KIAA1549L: variants seen among roughly 807,000 people sequenced by gnomAD.
KIAA1549L encodes UPF0606 protein KIAA1549L.
In KIAA1549L, 88 loss-of-function variants were observed where a neutral mutation model predicts 160.7. The ratio of observed to expected loss-of-function variants is 0.55; its 90% CI spans 0.46 to 0.65. KIAA1549L has a LOEUF of 0.65. Ranked by LOEUF, KIAA1549L falls within the 30% of genes least tolerant of loss-of-function variation. The pLI is 0.00. For missense variants in KIAA1549L, 2,258 were observed against 2,437.5 expected (o/e 0.93, Z 1.55); for synonymous variants, 950 against 976.7 (o/e 0.97, Z 0.51).
intron 1 of KIAA1549L, among the ~76,000 whole-genome samples, chr11:33,485,461 CTATT>C (rs1278037547): frequency 3.3e-5 from 5 of 151,826 alleles, no homozygotes; most frequent in Admixed American, 6.6e-5. Context: ...ACAAAAGTAT[CTATT>C]TGTTTTTTAA....
At chr11:33,614,553 T>TCC (rs1850739806) in intron 15 of KIAA1549L, among the ~76,000 whole-genome samples, 9 of 13,216 alleles carry the variant, frequency 6.8e-4, no homozygotes, top group Admixed American at 2.8e-3. Context: ...TATATATATA[T>TCC]ATATATATAT....
At chr11:33,378,157 G>T (rs1018341860) in intron 1 of KIAA1549L, among the ~76,000 whole-genome samples, 7 of 152,182 alleles carry the variant, frequency 4.6e-5, no homozygotes, top group Admixed American at 1.3e-4. Flanking sequence ...AAATACCTTG[G>T]TATTCATTGG....
rs201551936 is a variant in KIAA1549L, at chr11:33,440,120, C to CTTTTTTTTTTTTTT, written c.238+63245_238+63258dup. On this transcript the variant is annotated intron_variant, in intron 1 of 20. Coordinates refer to ENST00000658780, the MANE Select transcript of KIAA1549L (RefSeq NM_012194.3). Reference sequence around the variant, plus strand: ...GGTTATTTCCTCACCTATTTTGTTTCTTTTTTTTTTTTTTTTTTTTTTTTT... The same window carrying CTTTTTTTTTTTTTT: ...GGTTATTTCCTCACCTATTTTGTTTCTTTTTTTTTTTTTTTTTTTTTTTTTTTTTTTTTTTTTTT... Among the ~76,000 whole-genome samples the CTTTTTTTTTTTTTT allele has an allele frequency of 2.3e-3, 189 of 83,386 alleles. 27 individuals carry two copies. Among genetic ancestry groups the CTTTTTTTTTTTTTT allele is most frequent in the Middle Eastern group, 7.7e-3 (1 of 130 alleles). 54.7% of individuals were successfully genotyped at this position (83,386 alleles called of 152,430 possible).
intron 1 of KIAA1549L, among the ~76,000 whole-genome samples, chr11:33,427,055 C>A (rs972808150): frequency 6.6e-6 from 1 of 152,192 alleles, no homozygotes; most frequent in African/African-American, 2.4e-5. Context: ...ACCCAGGCAA[C>A]TAAATGGGCG....
At chr11:33,571,332 GACAAGGACAC>G (rs1490749046) in intron 9 of KIAA1549L, among the ~76,000 whole-genome samples, 1 of 152,138 alleles carries the variant, frequency 6.6e-6, no homozygotes, top group African/African-American at 2.4e-5. Flanking sequence ...TCATCTTGAG[GACAAGGACAC>G]ACAGGTGAAC....
At chr11:33,518,047 G>C (rs1024743947) in intron 1 of KIAA1549L, among the ~76,000 whole-genome samples, 2 of 141,348 alleles carry the variant, frequency 1.4e-5, no homozygotes, top group Admixed American at 1.6e-4. Context: ...GGCTGAGGCA[G>C]ATAATTGCTT....
At chr11:33,397,729 CACACACACACACA>C (rs1850411805) in intron 1 of KIAA1549L, among the ~76,000 whole-genome samples, 1 of 150,008 alleles carries the variant, frequency 6.7e-6, no homozygotes, top group Non-Finnish European at 1.5e-5. Flanking sequence ...CACACACACA[CACACACACACACA>C]CACACACACA....
At chr11:33,385,653 A>G (rs1255729016) in intron 1 of KIAA1549L, among the ~76,000 whole-genome samples, 1 of 151,776 alleles carries the variant, frequency 6.6e-6, no homozygotes, top group Admixed American at 6.6e-5. Context: ...AGATTTTAGT[A>G]TCTTCTTGTT....
At chr11:33,576,870 G>A (rs1256427962) in intron 10 of KIAA1549L, among the ~76,000 whole-genome samples, 6 of 152,178 alleles carry the variant, frequency 3.9e-5, no homozygotes, top group Admixed American at 3.9e-4. Flanking sequence ...TTGTAGACGT[G>A]TTAGGTGTGA....
chr11:33,493,267 G>C (rs974288462), intron 1 of KIAA1549L, among the ~76,000 whole-genome samples: 1 of 152,120 alleles, frequency 6.6e-6, no homozygotes, highest in Non-Finnish European at 1.5e-5. Context: ...ATTATAAAAG[G>C]GCTTGAGGCT....
intron 12 of KIAA1549L, among the ~76,000 whole-genome samples, chr11:33,594,312 AT>A (rs75754160): frequency 0.21 from 31,841 of 151,262 alleles, 3,725 homozygotes; most frequent in East Asian, 0.36. Context: ...AACAACAACC[AT>A]TTTTTTTTAG....
intron 17 of KIAA1549L, among the ~76,000 whole-genome samples, chr11:33,647,026 G>T (rs1395079876): frequency 6.6e-6 from 1 of 152,130 alleles, no homozygotes; most frequent in Non-Finnish European, 1.5e-5. Context: ...GACTTGTAAA[G>T]ATTAAATGAG....
chr11:33,396,786 C>T (rs773001289), intron 1 of KIAA1549L, among the ~76,000 whole-genome samples: 15 of 151,372 alleles, frequency 9.9e-5, no homozygotes, highest in South Asian at 2.1e-4. Context: ...ACTGTCTCTA[C>T]GGAAAATAGA....
At chr11:33,419,861 C>T (rs976552002) in intron 1 of KIAA1549L, among the ~76,000 whole-genome samples, 1 of 53,356 alleles carries the variant, frequency 1.9e-5, no homozygotes, top group African/African-American at 1.0e-4. Context: ...AAATGTTATA[C>T]ATACATACAT....
intron 1 of KIAA1549L, among the ~76,000 whole-genome samples, chr11:33,468,697 A>G (rs769866823): frequency 1.3e-5 from 2 of 152,234 alleles, no homozygotes; most frequent in African/African-American, 2.4e-5. Context: ...GTTGATTAGC[A>G]TTCTCAGCAC....
chr11:33,488,422 G>A (rs1852579456), intron 1 of KIAA1549L, among the ~76,000 whole-genome samples: 1 of 152,094 alleles, frequency 6.6e-6, no homozygotes. Flanking sequence ...GGGAAGGGAG[G>A]CCAAAATGAG....
At chr11:33,594,446 A>G (rs1590378886) in intron 12 of KIAA1549L, among the ~76,000 whole-genome samples, 3 of 152,308 alleles carry the variant, frequency 2.0e-5, no homozygotes, top group African/African-American at 4.8e-5. Flanking sequence ...TGACAGATCA[A>G]CTGGGCTGAC....
intron 18 of KIAA1549L, among the ~76,000 whole-genome samples, 162 bp downstream of exon 18, chr11:33,656,271 A>G (rs530623241): frequency 1.3e-5 from 2 of 152,322 alleles, no homozygotes; most frequent in South Asian, 2.1e-4. Context: ...CCCAAGTACC[A>G]TGAATGAACA....
intron 1 of KIAA1549L, among the ~76,000 whole-genome samples, chr11:33,390,915 GCA>G (rs2093576196): frequency 6.6e-6 from 1 of 152,160 alleles, no homozygotes; most frequent in African/African-American, 2.4e-5. Context: ...CCTGGCCCTG[GCA>G]CACCAATGCT....
Sources: allele counts gnomAD v4.1 joint callset (sites outside exome capture counted in the v4.1 genomes callset), GRCh38; gene constraint gnomAD v4.1.1; transcripts MANE v1.5; gene names NCBI Gene and HGNC (gene_info 2026-07-23, HGNC 2026-07-21).